DIS3L: variants seen among roughly 807,000 people sequenced by gnomAD.
The protein encoded by DIS3L is DIS3 like exosome 3'-5' exoribonuclease, also known as DIS3-like exonuclease 1.
A neutral mutation model predicts 120.3 loss-of-function variants in DIS3L; 100 were observed. The ratio of observed to expected loss-of-function variants is 0.83; its 90% CI spans 0.71 to 0.98. DIS3L has a LOEUF of 0.98. Ranked by LOEUF, DIS3L falls within the 50% of genes least tolerant of loss-of-function variation. The pLI, the probability that DIS3L is intolerant of heterozygous loss-of-function variation, is 0.00. For missense variants in DIS3L, 1,196 were observed against 1,314.2 expected (o/e 0.91, Z 1.39); for synonymous variants, 426 against 470.6 (o/e 0.91, Z 1.23).
chr15:66,333,317 C>G lies in DIS3L; in HGVS notation c.*5C>G. ...TCAAACAATTATGGAATATGAGAGG[C>G]TCTTACTTCACTAAGAGCTGTCATA... is the stretch of plus-strand genomic sequence containing the variant. On this transcript the variant is annotated 3_prime_UTR_variant, in exon 17 of 17. Coordinates refer to ENST00000319212, the MANE Select transcript of DIS3L (RefSeq NM_001143688.3). 1 of 1,583,830 alleles carries G rather than the reference C, an allele frequency of 6.3e-7. No individual in the cohort carries two copies. The highest frequency in any genetic ancestry group is 8.6e-7 in the Non-Finnish European group (1 of 1,169,038).
At chr15:66,324,248 A>G (rs1046058078) in intron 11 of DIS3L, among the ~76,000 whole-genome samples, 4 of 152,248 alleles carry the variant, frequency 2.6e-5, no homozygotes, top group African/African-American at 7.2e-5. Flanking sequence ...CAGTTGCACT[A>G]TCTATGGAAA....
In DIS3L at chr15:66,326,129, G is replaced by T. The variant is rs759940332; in HGVS notation, c.1966G>T (p.Val656Phe). ...CGALELEGVE[V>F]CVQLDDKKNI... Reference sequence around the variant, plus strand: ...TGCCCTGGAACTGGAAGGGGTAGAGGTTTGCGTACAGCTAGATGACAAAAA... The same window carrying T: ...TGCCCTGGAACTGGAAGGGGTAGAGTTTTGCGTACAGCTAGATGACAAAAA... Residue 656 changes from valine to phenylalanine, a missense_variant, in exon 12 of 17, where the codon GTT becomes TTT. Val to Phe is a conservative substitution (Grantham distance 50). Coordinates refer to ENST00000319212, the MANE Select transcript of DIS3L (RefSeq NM_001143688.3). 3 of 1,614,084 alleles carry T rather than the reference G, an allele frequency of 1.9e-6. No homozygotes were observed. In the South Asian group the frequency reaches 3.3e-5, roughly 18 times the overall value.
rs959740837 is a variant in DIS3L, at chr15:66,333,459, G to A, written c.*147G>A. 12 of 865,578 alleles carry A rather than the reference G, an allele frequency of 1.4e-5. No homozygotes were observed. Among genetic ancestry groups the A allele is most frequent in the Middle Eastern group, 3.5e-4 (1 of 2,842 alleles). The allele number at this position is 865,578 out of a possible 1,614,324, so 53.6% of individuals were successfully genotyped here. A position where few individuals can be genotyped will look rare whatever the true frequency, so the allele number is the denominator to read the frequency against. ...ATGTAAAATGTTCTCAGCCGGGCAC[G>A]GTGGCTCACGCCTGTAACCCCAGCA... On this transcript the variant is annotated 3_prime_UTR_variant, in exon 17 of 17. Coordinates refer to ENST00000319212, the MANE Select transcript of DIS3L (RefSeq NM_001143688.3).
intron 2 of DIS3L, among the ~76,000 whole-genome samples, chr15:66,295,824 G>C (rs1414256248): frequency 2.0e-5 from 3 of 152,172 alleles, no homozygotes; most frequent in African/African-American, 7.2e-5. Flanking sequence ...TATGGAAATA[G>C]CATATTAGAA....
intron 7 of DIS3L, among the ~76,000 whole-genome samples, chr15:66,317,327 C>A (rs1380610837): frequency 7.1e-6 from 1 of 140,810 alleles, no homozygotes; most frequent in Non-Finnish European, 1.5e-5. Flanking sequence ...CTGGTTGGAG[C>A]TCAGTAAATA....
chr15:66,317,778 A>T (rs527874938), intron 7 of DIS3L, among the ~76,000 whole-genome samples: 12 of 151,652 alleles, frequency 7.9e-5, no homozygotes, highest in Admixed American at 2.6e-4. Flanking sequence ...GTAACATATT[A>T]TGATAGTATC....
intron 12 of DIS3L, 130 bp from the exon 13 acceptor site, chr15:66,328,840 T>G (rs2140411564): frequency 8.7e-7 from 1 of 1,143,158 alleles, no homozygotes; most frequent in Admixed American, 2.7e-5. Flanking sequence ...GAGGTGCTTC[T>G]GAAACGTGTC....
intron 3 of DIS3L, among the ~76,000 whole-genome samples, chr15:66,307,835 G>A (rs889215113): frequency 1.3e-4 from 20 of 152,130 alleles, no homozygotes; most frequent in Non-Finnish European, 7.3e-5. Context: ...TGCTGCTGTA[G>A]GAAACGAAGA....
chr15:66,304,637 A>G lies in DIS3L; in HGVS notation c.294-2187A>G, dbSNP rs1422684117. ...ATTTTATGGCCGGGCGTGACGGCTT[A>G]TGCCTATAATCCCAGCACTCTGGGA... is the stretch of plus-strand genomic sequence containing the variant. On this transcript the variant is annotated intron_variant, in intron 2 of 16. Coordinates refer to ENST00000319212, the MANE Select transcript of DIS3L (RefSeq NM_001143688.3). Among the ~76,000 whole-genome samples the G allele has an allele frequency of 3.9e-5, 6 of 152,278 alleles. No homozygotes were observed. The South Asian group carries it at 8.3e-4, about 21-fold the overall frequency.
chr15:66,307,796 A>T (rs1310091296), intron 3 of DIS3L, among the ~76,000 whole-genome samples: 1 of 152,136 alleles, frequency 6.6e-6, no homozygotes, highest in Non-Finnish European at 1.5e-5. Flanking sequence ...ATGGAGATGG[A>T]GATGGAGGGA....
intron 14 of DIS3L, chr15:66,329,889 G>C: frequency 1.0e-6 from 1 of 983,338 alleles, no homozygotes; most frequent in Non-Finnish European, 1.2e-6. Context: ...TCTAGCCTGG[G>C]TGACAAAATT....
chr15:66,315,061 C>CG lies in DIS3L; in HGVS notation c.843dup (p.Met282AspfsTer20). ...ATTTAGTCAGTGACATCCTAATCCA[C>CG]GGGATGAAGGCTCGAAACCGCTCAA... On this transcript the variant is annotated frameshift_variant, in exon 7 of 17. Coordinates refer to ENST00000319212, the MANE Select transcript of DIS3L (RefSeq NM_001143688.3). LOFTEE classifies it high-confidence loss of function. The CG allele has an allele frequency of 6.2e-7, 1 of 1,613,896 alleles. No homozygotes were observed. The highest frequency in any genetic ancestry group is 1.3e-5 in the African/African-American group (1 of 74,978).
At chr15:66,309,710 T>C (rs2092741651) in intron 4 of DIS3L, among the ~76,000 whole-genome samples, 2 of 152,194 alleles carry the variant, frequency 1.3e-5, no homozygotes, top group African/African-American at 4.8e-5. Context: ...CCAAAGCTCT[T>C]AGCCACCATG....
intron 2 of DIS3L, among the ~76,000 whole-genome samples, chr15:66,304,567 C>G (rs1595721766): frequency 6.6e-6 from 1 of 152,266 alleles, no homozygotes; most frequent in African/African-American, 2.4e-5. Flanking sequence ...TTAAGAAAAG[C>G]TGCCCTTCAT....
chr15:66,314,093 CA>C lies in DIS3L; in HGVS notation c.792del (p.Gly265GlufsTer9). On this transcript the variant is annotated frameshift_variant, in exon 6 of 17. Transcript: ENST00000319212. LOFTEE classifies it high-confidence loss of function. ...CCAAATAGAAGCTTTTGTTCGACTT[CA>C]AGGAGCCAGCAGTAAAGATTCAGGT... ...RAQIEAFVRLQGASSKDSDLV... is the reference protein window; with the variant it reads ...RAQIEAFVRLXGASSKDSDLV... The C allele has an allele frequency of 6.5e-7, 1 of 1,526,840 alleles. No individual in the cohort carries two copies. The highest frequency in any genetic ancestry group is 8.7e-7 in the Non-Finnish European group (1 of 1,143,918). 94.6% of individuals were successfully genotyped at this position (1,526,840 alleles called of 1,614,324 possible).
At chr15:66,318,692 C>T in intron 8 of DIS3L, 74 bp downstream of exon 8, 5 of 1,456,682 alleles carry the variant, frequency 3.4e-6, no homozygotes, top group Non-Finnish European at 4.7e-6. Context: ...TTTAGCAGTA[C>T]CAGAAAGCAT....
At chr15:66,311,289 G>C (rs925366326) in intron 4 of DIS3L, among the ~76,000 whole-genome samples, 1 of 151,940 alleles carries the variant, frequency 6.6e-6, no homozygotes, top group African/African-American at 2.4e-5. Context: ...CTTAAGGCAG[G>C]GGGAGGTCAA....
intron 4 of DIS3L, among the ~76,000 whole-genome samples, chr15:66,309,080 A>AG (rs2092730366): frequency 2.1e-4 from 1 of 4,718 alleles, no homozygotes; most frequent in African/African-American, 3.2e-4. Context: ...TTGTCTCTAC[A>AG]GAAAAAAAAA....
intron 3 of DIS3L, among the ~76,000 whole-genome samples, chr15:66,308,155 G>GT (rs1342319490): frequency 1.3e-5 from 2 of 152,182 alleles, no homozygotes; most frequent in African/African-American, 2.4e-5. Context: ...GGGCGACAGA[G>GT]TAAGACCCTG....
Sources: allele counts gnomAD v4.1 joint callset (sites outside exome capture counted in the v4.1 genomes callset), GRCh38; gene constraint gnomAD v4.1.1; transcripts MANE v1.5; gene names NCBI Gene and HGNC (gene_info 2026-07-23, HGNC 2026-07-21).